Variants in TRIP12 observed in about 807,000 individuals in gnomAD.
The protein encoded by TRIP12 is thyroid hormone receptor interactor 12.
TRIP12 carries 25 observed loss-of-function variants against 244.2 expected under a neutral mutation model. The observed-to-expected ratio is 0.10, with a 90% CI of 0.07 to 0.14. The LOEUF (loss-of-function observed/expected upper bound fraction) is 0.14, where lower values mean the gene tolerates loss of function less well. Among genes scored for constraint, TRIP12 ranks in the 10% least tolerant of loss-of-function variants. The probability of loss-of-function intolerance (pLI) is 1.00; values close to 1 mark genes in which losing one functional copy is unlikely to be tolerated. For missense variants in TRIP12, 1,677 were observed against 2,486.4 expected, an observed-to-expected ratio of 0.67 and a Z score of 6.92; for synonymous variants, 905 against 873.1, an observed-to-expected ratio of 1.04 and a Z score of -0.64.
rs753287404 is a variant in TRIP12 at position 229,796,619 on chromosome 2, C to T, written c.3788G>A (p.Arg1263Gln). The change falls in exon 25 of 42, where the codon CGA (arginine) becomes CAA (glutamine). Residue 1263 changes from arginine to glutamine, a missense_variant. This residue lies in a region of TRIP12 where 77 missense variants were observed against 69.2 expected (regional missense o/e 1.11). Transcript: ENST00000675903. ...DAVSREIRLK[R>Q]FLHVFFSSPL... ...AGAAGAAAAAAATACATGAAGAAAT[C>T]GCTTTAATCTGATCTCTCTGCTCAC... 8 of 1,590,990 alleles carry T rather than the reference C, an allele frequency of 5.0e-6. No homozygotes were observed. Among genetic ancestry groups the T allele is most frequent in the South Asian group, 1.2e-5 (1 of 86,542 alleles).
At position 229,780,199 on chromosome 2, in the gene TRIP12, A is replaced by G. The variant is rs562734243; in HGVS notation, c.5095-1209T>C. 7.2e-5 allele frequency among the ~76,000 whole-genome samples: 11 copies of G among 152,324 alleles called. No individual in the cohort carries two copies. In the East Asian group the frequency reaches 1.9e-3, roughly 27 times the overall value. On this transcript the variant is annotated intron_variant, in intron 34 of 41. Coordinates refer to ENST00000675903, the MANE Select transcript of TRIP12 (RefSeq NM_001348323.3). ...TTCCACACCAGTAAATGGTATCACC[A>G]TTAAACCCAAAATGAATAATCCCAC...
intron 23 of TRIP12, among the ~76,000 whole-genome samples, chr2:229,798,298 A>T (rs893508858): frequency 7.2e-5 from 11 of 152,196 alleles, no homozygotes; most frequent in African/African-American, 2.7e-4. Context: ...CATTCACTTA[A>T]TTATTTTTAT....
intron 2 of TRIP12, among the ~76,000 whole-genome samples, chr2:229,870,247 A>C (rs1022326927): frequency 6.6e-6 from 1 of 152,236 alleles, no homozygotes; most frequent in Non-Finnish European, 1.5e-5. Flanking sequence ...AAAATGGTAT[A>C]ATCTTTTTAA....
chr2:229,867,098 T>TA (rs1289872686), intron 2 of TRIP12, among the ~76,000 whole-genome samples: 1 of 40,174 alleles, frequency 2.5e-5, no homozygotes, highest in East Asian at 1.8e-3. Flanking sequence ...ACATAGAGGG[T>TA]TTTTTTTTTT....
intron 1 of TRIP12, among the ~76,000 whole-genome samples, chr2:229,910,220 T>C (rs1390130819): frequency 1.3e-5 from 2 of 152,210 alleles, no homozygotes; most frequent in South Asian, 2.1e-4. Flanking sequence ...TCCCAAATCC[T>C]TTACTATTGC....
intron 8 of TRIP12, among the ~76,000 whole-genome samples, chr2:229,823,807 C>T (rs183055102): frequency 9.1e-4 from 138 of 152,112 alleles, no homozygotes; most frequent in African/African-American, 3.1e-3. Flanking sequence ...CGCAACATGG[C>T]GAGATGGCAT....
intron 6 of TRIP12, among the ~76,000 whole-genome samples, chr2:229,835,073 T>A (rs918857435): frequency 6.6e-6 from 1 of 152,224 alleles, no homozygotes; most frequent in African/African-American, 2.4e-5. Flanking sequence ...AAGCACATTA[T>A]CATGAAGAAC....
chr2:229,782,932 C>CA (rs1251192421), intron 34 of TRIP12, among the ~76,000 whole-genome samples: 1 of 151,356 alleles, frequency 6.6e-6, no homozygotes, highest in East Asian at 1.9e-4. Context: ...TGTCTTAAAA[C>CA]AAAAAAATTA....
chr2:229,777,234 G>A, intron 37 of TRIP12, 81 bp downstream of exon 37: 1 of 1,437,330 alleles, frequency 7.0e-7, no homozygotes, highest in Non-Finnish European at 9.5e-7. Flanking sequence ...TAACAACTGA[G>A]TCAAATACAA....
At chr2:229,805,222 A>AAACAACAACAAC (rs1297499840) in intron 18 of TRIP12, among the ~76,000 whole-genome samples, 40,784 of 149,320 alleles carry the variant, frequency 0.27, 5,883 homozygotes, top group East Asian at 0.4. Flanking sequence ...GCCCTTTTCA[A>AAACAACAACAAC]AACAACAACA....
Position 229,919,752 on chromosome 2 carries a change from T to C in TRIP12, c.-50+2128A>G, listed in dbSNP as rs569295703. On this transcript the variant is annotated intron_variant, in intron 1 of 41. Coordinates refer to ENST00000675903, the MANE Select transcript of TRIP12 (RefSeq NM_001348323.3). ...AACAATGATAATCTTAATTACAGTTTTCCAATTCTTATGGATATTGGCACA... is the reference window on the plus strand; with the variant it reads ...AACAATGATAATCTTAATTACAGTTCTCCAATTCTTATGGATATTGGCACA... 3.3e-5 allele frequency among the ~76,000 whole-genome samples: 5 copies of C among 152,330 alleles called. No homozygotes were observed. The East Asian group carries it at 9.6e-4, about 29-fold the overall frequency.
At chr2:229,792,784 C>T (rs368340768) in intron 27 of TRIP12, among the ~76,000 whole-genome samples, 189 bp downstream of exon 27, 1 of 152,100 alleles carries the variant, frequency 6.6e-6, no homozygotes, top group East Asian at 1.9e-4. Flanking sequence ...TTCAAGGAAG[C>T]AGTCAACCCC....
chr2:229,859,110 G>A lies in TRIP12; in HGVS notation c.689C>T (p.Ala230Val). 6.2e-7 allele frequency: 1 copy of A among 1,614,218 alleles called. No individual in the cohort carries two copies. Residue 230 changes from alanine to valine, a missense_variant, in exon 4 of 42, where the codon GCT becomes GTT. By Grantham distance (64) the Ala-to-Val change is moderately conservative. Transcript: ENST00000675903. ...AGAATCAGTGATGGTGCTACACCCAGCTTTGGCTGAGGTGGCTGATTTTGA... is the reference window on the plus strand; with the variant it reads ...AGAATCAGTGATGGTGCTACACCCAACTTTGGCTGAGGTGGCTGATTTTGA... ...LASKSATSAKAGCSTITDSSS... is the reference protein window; with the variant it reads ...LASKSATSAKVGCSTITDSSS...
At chr2:229,809,680 T>C (rs1272880799) in intron 15 of TRIP12, among the ~76,000 whole-genome samples, 1 of 152,178 alleles carries the variant, frequency 6.6e-6, no homozygotes, top group African/African-American at 2.4e-5. Flanking sequence ...CCCAATCTTA[T>C]TTAGGGAAAG....
intron 2 of TRIP12, among the ~76,000 whole-genome samples, chr2:229,870,892 G>A (rs910654126): frequency 2.6e-5 from 4 of 152,138 alleles, no homozygotes; most frequent in African/African-American, 4.8e-5. Flanking sequence ...ATCCTAATCC[G>A]GCTAGACACG....
chr2:229,805,587 G>A (rs2045672537), intron 18 of TRIP12, 143 bp downstream of exon 18: 1 of 744,858 alleles, frequency 1.3e-6, no homozygotes, highest in Non-Finnish European at 2.0e-6. Context: ...TAATGGACAT[G>A]ATTTAAAAAA....
At chr2:229,813,168 G>A (rs773656043) in intron 13 of TRIP12, among the ~76,000 whole-genome samples, 1 of 152,132 alleles carries the variant, frequency 6.6e-6, no homozygotes, top group African/African-American at 2.4e-5. Context: ...ACATAGTCTA[G>A]TCTCTCTTCT....
intron 38 of TRIP12, among the ~76,000 whole-genome samples, chr2:229,771,935 G>A (rs546007918): frequency 6.6e-6 from 1 of 152,312 alleles, no homozygotes; most frequent in Admixed American, 6.5e-5. Flanking sequence ...TCACTGGATG[G>A]GAATCAAATG....
chr2:229,788,590 T>C (rs1405552086), intron 32 of TRIP12, among the ~76,000 whole-genome samples: 1 of 152,246 alleles, frequency 6.6e-6, no homozygotes, highest in African/African-American at 2.4e-5. Context: ...TCCTGTTTCA[T>C]ACATAGACAC....
Sources: gnomAD v4.1 joint callset for allele counts (sites outside exome capture counted in the v4.1 genomes callset) on GRCh38, gnomAD v4.1.1 for gene constraint, gnomAD v4.1.1 regional missense constraint, MANE v1.5 for transcripts, NCBI Gene and HGNC (gene_info 2026-07-23, HGNC 2026-07-21) for gene names.